PDZD2: variants seen among roughly 807,000 people sequenced by gnomAD.
The protein encoded by PDZD2 is PDZ domain containing 2.
PDZD2 carries 90 observed loss-of-function variants against 220.7 expected under a neutral mutation model. The observed-to-expected ratio is 0.41, with a 90% CI of 0.34 to 0.49. The LOEUF (loss-of-function observed/expected upper bound fraction) is 0.49, where lower values mean the gene tolerates loss of function less well. Among genes scored for constraint, PDZD2 ranks in the 20% least tolerant of loss-of-function variants. The pLI is 0.28. For synonymous variants in PDZD2, 1,375 were observed against 1,450.5 expected, an observed-to-expected ratio of 0.95 and a Z score of 1.18; for missense variants, 3,174 against 3,608.5, an observed-to-expected ratio of 0.88 and a Z score of 3.08.
At chr5:31,915,069 G>A (rs895829196) in intron 2 of PDZD2, among the ~76,000 whole-genome samples, 4 of 152,186 alleles carry the variant, frequency 2.6e-5, no homozygotes, top group Non-Finnish European at 5.9e-5. Context: ...AGAAGCTGTA[G>A]GGGGTCTTCA....
At chr5:31,951,259 G>C (rs1369153292) in intron 2 of PDZD2, among the ~76,000 whole-genome samples, 1 of 151,908 alleles carries the variant, frequency 6.6e-6, no homozygotes, top group Non-Finnish European at 1.5e-5. Context: ...TAAGAAACAG[G>C]GTCTCACTTT....
At position 32,108,910 on chromosome 5, in the gene PDZD2, A is replaced by T. The variant is rs1343006953; in HGVS notation, c.*775A>T. ...TTCTGATAAGCTGTATTAAATAGCC[A>T]TGAGCTTCACTGCTTAGAGGGAGCA... On this transcript the variant is annotated 3_prime_UTR_variant, in exon 25 of 25. Transcript: ENST00000438447. 1 of 152,680 alleles carries T rather than the reference A, an allele frequency of 6.5e-6. No individual in the cohort carries two copies. Among genetic ancestry groups the T allele is most frequent in the Non-Finnish European group, 1.5e-5 (1 of 68,046 alleles). 9.5% of individuals were successfully genotyped at this position (152,680 alleles called of 1,614,324 possible).
intron 1 of PDZD2, among the ~76,000 whole-genome samples, chr5:31,688,117 C>T (rs77347936): frequency 0.13 from 20,498 of 151,982 alleles, 1,482 homozygotes; most frequent in East Asian, 0.24. Flanking sequence ...TGTAGCACCT[C>T]GCAAATAAAT....
chr5:31,726,007 G>A (rs575922775), intron 1 of PDZD2: 3 of 437,166 alleles, frequency 6.9e-6, no homozygotes, highest in East Asian at 8.6e-5. Context: ...CCCTGCAGAT[G>A]CATAATGGAG....
chr5:31,809,498 C>T (rs750809067), intron 2 of PDZD2, among the ~76,000 whole-genome samples: 4 of 152,158 alleles, frequency 2.6e-5, no homozygotes, highest in Non-Finnish European at 5.9e-5. Flanking sequence ...AGGAGTCGCA[C>T]TAATGAATGA....
At chr5:31,839,691 G>A (rs531847568) in intron 2 of PDZD2, among the ~76,000 whole-genome samples, 7 of 152,264 alleles carry the variant, frequency 4.6e-5, no homozygotes, top group African/African-American at 1.7e-4. Flanking sequence ...ATGTGGTTTG[G>A]CTCTGTCCCC....
chr5:31,830,201 T>C (rs1170029919), intron 2 of PDZD2, among the ~76,000 whole-genome samples: 2 of 150,534 alleles, frequency 1.3e-5, no homozygotes, highest in Non-Finnish European at 1.5e-5. Flanking sequence ...AGTTTCGCTC[T>C]GCCGCCCAGG....
intron 1 of PDZD2, among the ~76,000 whole-genome samples, chr5:31,743,183 T>TC (rs200445893): frequency 0.014 from 2,188 of 152,046 alleles, 54 homozygotes; most frequent in South Asian, 0.069. Flanking sequence ...TTTTCTTTTT[T>TC]TTTTTTTTGA....
intron 1 of PDZD2, among the ~76,000 whole-genome samples, chr5:31,683,741 A>T (rs1746741132): frequency 6.6e-6 from 1 of 152,118 alleles, no homozygotes; most frequent in African/African-American, 2.4e-5. Flanking sequence ...GCTTGTTTCT[A>T]ATTTTTTACT....
intron 2 of PDZD2, among the ~76,000 whole-genome samples, chr5:31,884,973 C>T (rs906101134): frequency 6.6e-6 from 1 of 151,964 alleles, no homozygotes; most frequent in Non-Finnish European, 1.5e-5. Flanking sequence ...GAAGCTACCA[C>T]ATTGTTTGTG....
intron 1 of PDZD2, among the ~76,000 whole-genome samples, chr5:31,745,254 C>T (rs1750524910): frequency 6.6e-6 from 1 of 151,952 alleles, no homozygotes; most frequent in Admixed American, 6.6e-5. Context: ...TGTGGATGGA[C>T]CCAAAGGGGT....
intron 1 of PDZD2, among the ~76,000 whole-genome samples, chr5:31,736,170 A>C (rs973183575): frequency 6.6e-6 from 1 of 152,224 alleles, no homozygotes; most frequent in Non-Finnish European, 1.5e-5. Flanking sequence ...AAAATATTTG[A>C]TGACTTGAGG....
intron 2 of PDZD2, among the ~76,000 whole-genome samples, chr5:31,888,047 T>C (rs1235791915): frequency 6.6e-6 from 1 of 152,146 alleles, no homozygotes; most frequent in Admixed American, 6.6e-5. Flanking sequence ...GGTGCAGCTG[T>C]TTTGGGCCAT....
chr5:31,727,424 T>C (rs1398823592), intron 1 of PDZD2, among the ~76,000 whole-genome samples: 3 of 152,102 alleles, frequency 2.0e-5, no homozygotes, highest in Non-Finnish European at 4.4e-5. Context: ...TAAGGTCACA[T>C]GGCCGGGCGC....
intron 2 of PDZD2, among the ~76,000 whole-genome samples, chr5:31,968,671 A>AAAC (rs151062660): frequency 0.1 from 15,126 of 151,662 alleles, 816 homozygotes; most frequent in Middle Eastern, 0.13. Flanking sequence ...ACAAACAAAC[A>AAAC]AACAAAAAAA....
intron 1 of PDZD2, among the ~76,000 whole-genome samples, chr5:31,752,894 A>T (rs1214774840): frequency 6.6e-6 from 1 of 152,120 alleles, no homozygotes; most frequent in Non-Finnish European, 1.5e-5. Context: ...CTTCTCAACG[A>T]TCATACCCAG....
intron 1 of PDZD2, among the ~76,000 whole-genome samples, chr5:31,682,228 G>A (rs1746678598): frequency 6.6e-6 from 1 of 152,126 alleles, no homozygotes; most frequent in African/African-American, 2.4e-5. Flanking sequence ...TTCGCAGAGG[G>A]GCTTAGGCAG....
intron 6 of PDZD2, among the ~76,000 whole-genome samples, chr5:32,022,185 G>GTTTTTTTTTTTTTTT (rs145876120): frequency 1.7e-4 from 23 of 135,576 alleles, no homozygotes; most frequent in Non-Finnish European, 3.0e-4. Context: ...TTGTTTTTTT[G>GTTTTTTTTTTTTTTT]TTTTTTTGTT....
At chr5:32,031,910 C>T (rs963253353) in intron 6 of PDZD2, among the ~76,000 whole-genome samples, 3 of 152,192 alleles carry the variant, frequency 2.0e-5, no homozygotes, top group African/African-American at 7.2e-5. Flanking sequence ...CAATATGTTA[C>T]AGGCACAATC....
Sources: gnomAD v4.1 joint callset for allele counts (sites outside exome capture counted in the v4.1 genomes callset) on GRCh38, gnomAD v4.1.1 for gene constraint, MANE v1.5 for transcripts, NCBI Gene and HGNC (gene_info 2026-07-23, HGNC 2026-07-21) for gene names.